Variants in HDAC7 observed in about 807,000 individuals in gnomAD.
HDAC7 encodes histone deacetylase 7A.
In HDAC7, 26 loss-of-function variants were observed where a neutral mutation model predicts 115.5. The ratio of observed to expected loss-of-function variants is 0.23; its 90% CI spans 0.16 to 0.31. The LOEUF is 0.31. Ranked by LOEUF, HDAC7 falls within the 10% of genes least tolerant of loss-of-function variation. The pLI is 1.00. For synonymous variants in HDAC7, 564 were observed against 550.9 expected, an observed-to-expected ratio of 1.02 and a Z score of -0.33; for missense variants, 1,068 against 1,329.0, an observed-to-expected ratio of 0.80 and a Z score of 3.05.
At chr12:47,810,215 G>A (rs527407397) in intron 1 of HDAC7, among the ~76,000 whole-genome samples, 1 of 152,298 alleles carries the variant, frequency 6.6e-6, no homozygotes, top group South Asian at 2.1e-4. Flanking sequence ...CAAAGTGCTG[G>A]GATTACAGGC....
rs1013498145 is a variant in HDAC7, at chr12:47,803,278, G to A, written c.20-1004C>T. Among the ~76,000 whole-genome samples, 1 of 152,208 alleles carries A rather than the reference G, an allele frequency of 6.6e-6. No individual in the cohort carries two copies. The highest frequency in any genetic ancestry group is 2.4e-5 in the African/African-American group (1 of 41,446). Reference sequence around the variant, plus strand: ...CGGGGTACTGGGTGGACACAGAAGCGCTCTGCTGGCCAGACTTGGGGCAGA... The same window carrying A: ...CGGGGTACTGGGTGGACACAGAAGCACTCTGCTGGCCAGACTTGGGGCAGA... On this transcript the variant is annotated intron_variant, in intron 1 of 25. Transcript: ENST00000080059. This position sits in a 1 kb window ranked among gnomAD's most constrained non-coding sequence, Gnocchi z 4.0.
At chr12:47,789,094 C>A (rs564770636) in intron 19 of HDAC7, 167 bp downstream of exon 19, 1 of 655,984 alleles carries the variant, frequency 1.5e-6, no homozygotes, top group African/African-American at 1.8e-5. Context: ...CTCTAGGCCT[C>A]CCAACTGTGA....
chr12:47,812,330 T>C (rs112776917), intron 1 of HDAC7, among the ~76,000 whole-genome samples: 4 of 152,352 alleles, frequency 2.6e-5, no homozygotes, highest in South Asian at 4.1e-4. Context: ...TTCTGTGAAC[T>C]GGGGCTAGGC....
intron 1 of HDAC7, among the ~76,000 whole-genome samples, chr12:47,810,561 C>G (rs2137051328): frequency 6.6e-6 from 1 of 152,332 alleles, no homozygotes; most frequent in South Asian, 2.1e-4. Flanking sequence ...TATTTCCCTT[C>G]CTTTTTAAAT....
chr12:47,784,813 A>G, intron 24 of HDAC7: 2 of 1,529,408 alleles, frequency 1.3e-6, no homozygotes, highest in South Asian at 1.2e-5. Flanking sequence ...CGTAAGAGGA[A>G]TCAGCCATGT....
At position 47,798,958 on chromosome 12, in the gene HDAC7, A is replaced by G. The variant is rs1304411663; in HGVS notation, c.85T>C (p.Cys29Arg). 1 of 1,513,228 alleles carries G rather than the reference A, an allele frequency of 6.6e-7. No individual in the cohort carries two copies. The highest frequency in any genetic ancestry group is 8.8e-7 in the Non-Finnish European group (1 of 1,134,308). 93.7% of individuals were successfully genotyped at this position (1,513,228 alleles called of 1,614,324 possible). A position where few individuals can be genotyped will look rare whatever the true frequency, so the allele number is the denominator to read the frequency against. ...GGCTGAGGGCCTGGTGTGTCTGCAC[A>G]GGGCCTGGGGCAGCCTAGGGACAGA... is the stretch of plus-strand genomic sequence containing the variant. ...SPTGAGCPRP[C>R]ADTPGPQPQP... The change falls in exon 3 of 26, where the codon TGT (cysteine) becomes CGT (arginine). Residue 29 changes from cysteine to arginine, a missense_variant. Coordinates refer to ENST00000080059, the MANE Select transcript of HDAC7 (RefSeq NM_015401.5). The surrounding 1 kb of genome is among the most constrained non-coding windows in gnomAD (Gnocchi z 4.3).
At chr12:47,814,179 C>T (rs546284182) in intron 1 of HDAC7, among the ~76,000 whole-genome samples, 1 of 152,324 alleles carries the variant, frequency 6.6e-6, no homozygotes, top group South Asian at 2.1e-4. Flanking sequence ...AGAGCCCAGC[C>T]AAAGGGCCAT....
At chr12:47,792,041 T>C (rs1055349875) in intron 13 of HDAC7, 37 bp from the exon 14 acceptor site, 4 of 1,567,184 alleles carry the variant, frequency 2.6e-6, no homozygotes, top group Non-Finnish European at 3.5e-6. Context: ...ACCCAGGGAG[T>C]CCTCACGCCC....
At chr12:47,796,872 G>A (rs926072809) in intron 7 of HDAC7, 145 bp downstream of exon 7, 48 of 857,984 alleles carry the variant, frequency 5.6e-5, no homozygotes, top group South Asian at 8.2e-5. Flanking sequence ...CAACTCCCCC[G>A]CTTCGGCAAG....
chr12:47,798,115 G>T lies in HDAC7; in HGVS notation c.454C>A (p.Pro152Thr). 6.2e-7 allele frequency: 1 copy of T among 1,612,470 alleles called. No individual in the cohort carries two copies. The highest frequency in any genetic ancestry group is 8.5e-7 in the Non-Finnish European group (1 of 1,178,668). Residue 152 changes from proline to threonine, a missense_variant, in exon 5 of 26, where the codon CCC becomes ACC. Physicochemically the swap from Pro to Thr is conservative, Grantham distance 38. Around this residue, in one of 6 missense-constraint regions of HDAC7, gnomAD observed 618 missense variants for 701.5 expected, o/e 0.88. Transcript: ENST00000080059. This position sits in a 1 kb window ranked among gnomAD's most constrained non-coding sequence, Gnocchi z 4.3. ...RTVHPNSPGIPYRTLEPLETE... is the reference protein window; with the variant it reads ...RTVHPNSPGITYRTLEPLETE... ...AGGTGAGGAGGGTGTTACCTGTAGG[G>T]AATGCCGGGGCTGTTGGGATGGACT...
chr12:47,808,323 C>A (rs898166742), intron 1 of HDAC7, among the ~76,000 whole-genome samples: 1 of 152,182 alleles, frequency 6.6e-6, no homozygotes, highest in Non-Finnish European at 1.5e-5. Flanking sequence ...GTGTCGCCCC[C>A]CCACCCCACC....
At chr12:47,794,107 C>T (rs899744617) in intron 12 of HDAC7, among the ~76,000 whole-genome samples, 9 of 152,058 alleles carry the variant, frequency 5.9e-5, no homozygotes, top group Non-Finnish European at 8.8e-5. Flanking sequence ...GACTATTGTC[C>T]TTATAGGAAG....
intron 18 of HDAC7, 30 bp downstream of exon 18, chr12:47,789,493 C>T: frequency 1.2e-6 from 2 of 1,612,060 alleles, no homozygotes; most frequent in Non-Finnish European, 8.5e-7. Context: ...CCCCCCACCT[C>T]ATCCCACCCA....
chr12:47,791,619 T>C lies in HDAC7; in HGVS notation c.1900A>G (p.Ser634Gly), dbSNP rs1476611015. The part of the protein sequence containing the change: ...HVLLYGTNPL[S>G]RLKLDNGKLA... ...TTCCCGTTGTCCAGTTTGAGGCGGC[T>C]GAGCGGGTTGGTGCCGTAGAGGAGC... Residue 634 changes from serine to glycine, a missense_variant, in exon 15 of 26, where the codon AGC (serine) becomes GGC (glycine). This residue lies in a region of HDAC7 where 618 missense variants were observed against 701.5 expected (regional missense o/e 0.88). Coordinates refer to ENST00000080059, the MANE Select transcript of HDAC7 (RefSeq NM_015401.5). 26 of 1,610,244 alleles carry C rather than the reference T, an allele frequency of 1.6e-5. No homozygotes were observed. The highest frequency in any genetic ancestry group is 2.2e-5 in the Non-Finnish European group (26 of 1,178,508).
intron 1 of HDAC7, among the ~76,000 whole-genome samples, chr12:47,811,519 C>T (rs1944663014): frequency 4.6e-5 from 7 of 152,210 alleles, no homozygotes; most frequent in Admixed American, 4.6e-4. Context: ...ATAAAAATTA[C>T]AACACATAAA....
Position 47,783,772 on chromosome 12 carries a change from G to A in HDAC7, c.*69C>T, listed in dbSNP as rs753404400. On this transcript the variant is annotated 3_prime_UTR_variant, in exon 26 of 26. Transcript: ENST00000080059. ...GATCTCTAAAGACCCAGGAATGGGG[G>A]CTATTGCCAGGGGTTAGAAGAGAAC... The A allele has an allele frequency of 4.1e-6, 6 of 1,474,926 alleles. No homozygotes were observed. Among genetic ancestry groups the A allele is most frequent in the Non-Finnish European group, 5.6e-6 (6 of 1,065,992 alleles). 91.4% of individuals were successfully genotyped at this position (1,474,926 alleles called of 1,614,324 possible). A position where few individuals can be genotyped will look rare whatever the true frequency, so the allele number is the denominator to read the frequency against.
chr12:47,796,720 G>A (rs537822389), intron 7 of HDAC7, among the ~76,000 whole-genome samples: 19 of 152,244 alleles, frequency 1.2e-4, no homozygotes, highest in Middle Eastern at 3.4e-3. Flanking sequence ...CACCGCGCCC[G>A]GCCTCCTGCT....
intron 1 of HDAC7, among the ~76,000 whole-genome samples, chr12:47,806,309 C>T (rs986672989): frequency 2.6e-5 from 4 of 152,242 alleles, no homozygotes; most frequent in South Asian, 2.1e-4. Flanking sequence ...CCGACTCCCT[C>T]GGTGACTGGC....
intron 24 of HDAC7, 59 bp downstream of exon 24, chr12:47,785,328 C>G: frequency 6.9e-7 from 1 of 1,444,182 alleles, no homozygotes; most frequent in Non-Finnish European, 9.4e-7. Context: ...CACGGTGGGG[C>G]AGGGTACCAC....
Sources: allele counts gnomAD v4.1 joint callset (sites outside exome capture counted in the v4.1 genomes callset), GRCh38; gene constraint gnomAD v4.1.1; regional missense constraint gnomAD v4.1.1; non-coding constraint Gnocchi (gnomAD v3.1); transcripts MANE v1.5; gene names NCBI Gene and HGNC (gene_info 2026-07-23, HGNC 2026-07-21).